The following ROPN1 variants were observed in gnomAD, a reference collection of about 807,000 sequenced individuals.
ROPN1 encodes the protein rhophilin associated tail protein 1.
In ROPN1, 14 loss-of-function variants were observed where a neutral mutation model predicts 20.5. The ratio of observed to expected loss-of-function variants is 0.68; its 90% CI spans 0.45 to 1.07. The LOEUF is 1.07. ROPN1 is among the 50% of genes least tolerant of loss of function. The pLI, the probability that ROPN1 is intolerant of heterozygous loss-of-function variation, is 0.00. For missense variants in ROPN1, 169 were observed against 242.8 expected, an observed-to-expected ratio of 0.70 and a Z score of 2.02; for synonymous variants, 76 against 95.7, an observed-to-expected ratio of 0.79 and a Z score of 1.20.
chr3:123,982,608 CA>C (rs2038173618), intron 1 of ROPN1, among the ~76,000 whole-genome samples: 1 of 152,124 alleles, frequency 6.6e-6, no homozygotes, highest in Admixed American at 6.5e-5. Flanking sequence ...AATATTTCAT[CA>C]TTTAAAAAGT....
At chr3:123,989,441 A>AT (rs2038348632) in intron 1 of ROPN1, among the ~76,000 whole-genome samples, 2 of 152,186 alleles carry the variant, frequency 1.3e-5, no homozygotes, top group Middle Eastern at 3.4e-3. Context: ...GTCCTTTAAC[A>AT]TTTTTTCCCT....
At chr3:123,984,596 C>T (rs1559826796) in intron 1 of ROPN1, among the ~76,000 whole-genome samples, 1 of 152,156 alleles carries the variant, frequency 6.6e-6, no homozygotes. Flanking sequence ...TTCCAAGTTG[C>T]TTTTTATAGT....
intron 1 of ROPN1, among the ~76,000 whole-genome samples, chr3:123,981,199 G>GA (rs1296461331): frequency 6.6e-6 from 1 of 152,212 alleles, no homozygotes; most frequent in African/African-American, 2.4e-5. Flanking sequence ...GAAAGGGACA[G>GA]ACTAGATATG....
At chr3:123,980,287 A>G (rs966969632) in intron 2 of ROPN1, 79 bp downstream of exon 2, 1 of 1,369,294 alleles carries the variant, frequency 7.3e-7, no homozygotes, top group Non-Finnish European at 1.0e-6. Context: ...AGCTGCAGCC[A>G]TGACAACCTC....
chr3:123,987,493 A>C (rs754176170), intron 1 of ROPN1, among the ~76,000 whole-genome samples: 55 of 152,054 alleles, frequency 3.6e-4, no homozygotes, highest in Admixed American at 6.6e-4. Flanking sequence ...CCTCCAATAA[A>C]ATTTCTTAAC....
intron 2 of ROPN1, among the ~76,000 whole-genome samples, chr3:123,978,166 A>G (rs1205846027): frequency 6.6e-6 from 1 of 152,214 alleles, no homozygotes; most frequent in Admixed American, 6.5e-5. Flanking sequence ...AGCTACATGG[A>G]CTAAAGCAGT....
At chr3:123,982,587 T>A (rs1303338444) in intron 1 of ROPN1, among the ~76,000 whole-genome samples, 6 of 152,210 alleles carry the variant, frequency 3.9e-5, no homozygotes. Flanking sequence ...TATTTAATTT[T>A]GTCAGTATGA....
intron 1 of ROPN1, among the ~76,000 whole-genome samples, chr3:123,987,270 G>A (rs974908996): frequency 2.6e-5 from 4 of 152,178 alleles, no homozygotes; most frequent in East Asian, 1.9e-4. Flanking sequence ...CAACTCACTC[G>A]TTCCCCCAGA....
chr3:123,969,118 C>G lies in ROPN1; in HGVS notation c.*37G>C. 1 of 1,546,678 alleles carries G rather than the reference C, an allele frequency of 6.5e-7. No homozygotes were observed. Among genetic ancestry groups the G allele is most frequent in the Non-Finnish European group, 8.9e-7 (1 of 1,119,014 alleles). The stretch of plus-strand genomic sequence containing the variant: ...TTCAGTCATTCTGAAGTACAATCAT[C>G]TCTGTATCTTCCTTTAAAATTGCCA... On this transcript the variant is annotated 3_prime_UTR_variant, in exon 6 of 6. Transcript: ENST00000405845.
At chr3:123,975,859 T>A (rs908039065) in intron 3 of ROPN1, 1 of 372,556 alleles carries the variant, frequency 2.7e-6, no homozygotes, top group Non-Finnish European at 5.2e-6. Context: ...ATTCCTTATA[T>A]GACAGATAGA....
rs575726076 is a variant in ROPN1, at chr3:123,984,252, C to T, written c.-12-3759G>A. On this transcript the variant is annotated intron_variant, in intron 1 of 5. Transcript: ENST00000405845. ...ATCTTTGACCTCTCGCCTTGTGCTT[C>T]TATTTCATACTTCCCATTGCCTCCA... is the stretch of plus-strand genomic sequence containing the variant. 2.0e-5 allele frequency among the ~76,000 whole-genome samples: 3 copies of T among 152,300 alleles called. No homozygotes were observed. The East Asian group carries it at 5.8e-4, about 29-fold the overall frequency.
chr3:123,970,100 C>G lies in ROPN1; in HGVS notation c.514G>C (p.Asp172His). 6.2e-7 allele frequency: 1 copy of G among 1,614,184 alleles called. No individual in the cohort carries two copies. The highest frequency in any genetic ancestry group is 8.5e-7 in the Non-Finnish European group (1 of 1,180,038). Reference sequence around the variant, plus strand: ...ACATGTGATGCAGAGATCTCCCCATCCACTTTGGCAATATACGTGTAGAGA... The same window carrying G: ...ACATGTGATGCAGAGATCTCCCCATGCACTTTGGCAATATACGTGTAGAGA... The part of the protein sequence containing the change: ...QFLYTYIAKV[D>H]GEISASHVSR... Residue 172 changes from aspartate to histidine, a missense_variant, in exon 5 of 6, where the codon GAT becomes CAT. By Grantham distance (81) the Asp-to-His change is moderately conservative. Coordinates refer to ENST00000405845, the MANE Select transcript of ROPN1 (RefSeq NM_001317774.2).
chr3:123,984,606 T>C (rs1328974161), intron 1 of ROPN1, among the ~76,000 whole-genome samples: 1 of 152,194 alleles, frequency 6.6e-6, no homozygotes, highest in African/African-American at 2.4e-5. Flanking sequence ...CTTTTTATAG[T>C]CAGAGAGCAC....
chr3:123,971,586 G>A (rs1317894161), intron 4 of ROPN1, among the ~76,000 whole-genome samples: 1 of 152,144 alleles, frequency 6.6e-6, no homozygotes. Context: ...GAGCAGGTGG[G>A]AGGGCAGGCA....
At chr3:123,990,793 G>A (rs2038390168) in intron 1 of ROPN1, among the ~76,000 whole-genome samples, 1 of 152,162 alleles carries the variant, frequency 6.6e-6, no homozygotes, top group African/African-American at 2.4e-5. Context: ...AATGTAAAAT[G>A]GAGGCCAACA....
chr3:123,977,379 T>C (rs1035404066), intron 2 of ROPN1, among the ~76,000 whole-genome samples: 2 of 152,126 alleles, frequency 1.3e-5, no homozygotes, highest in Admixed American at 6.5e-5. Context: ...TAAAAAGTAA[T>C]GTACGTAAGA....
rs559202847 is a variant in ROPN1 at position 123,976,889 on chromosome 3, T to C, written c.209A>G (p.Glu70Gly). The C allele has an allele frequency of 3.7e-6, 6 of 1,614,016 alleles. No individual in the cohort carries two copies. The African/African-American group carries it at 8.0e-5, about 22-fold the overall frequency. The change falls in exon 3 of 6, where the codon GAG becomes GGG. Residue 70 changes from glutamate (E) to glycine (G), a missense_variant. By Grantham distance (98) the Glu-to-Gly change is moderately conservative. Around this residue, in one of 3 missense-constraint regions of ROPN1, gnomAD observed 84 missense variants for 99.3 expected, o/e 0.85. Coordinates refer to ENST00000405845, the MANE Select transcript of ROPN1 (RefSeq NM_001317774.2). ...ALCNRAELTP[E>G]LLKILHSQVA... ...CTGAGAATGCAGGATCTTTAACAGC[T>C]CAGGTGTTAGCTCTGCCCGGTTACA...
chr3:123,983,747 G>A (rs1405765503), intron 1 of ROPN1, among the ~76,000 whole-genome samples: 2 of 151,122 alleles, frequency 1.3e-5, no homozygotes, highest in African/African-American at 4.9e-5. Flanking sequence ...TTAATTTATT[G>A]TAAGTGCCAG....
chr3:123,986,739 T>C (rs1318795901), intron 1 of ROPN1, among the ~76,000 whole-genome samples: 2 of 152,102 alleles, frequency 1.3e-5, no homozygotes, highest in Non-Finnish European at 1.5e-5. Context: ...AGCAAAGTGA[T>C]GTGGGTAGTT....
Sources: gnomAD v4.1 joint callset for allele counts (sites outside exome capture counted in the v4.1 genomes callset) on GRCh38, gnomAD v4.1.1 for gene constraint, gnomAD v4.1.1 regional missense constraint, MANE v1.5 for transcripts, NCBI Gene and HGNC (gene_info 2026-07-23, HGNC 2026-07-21) for gene names.